Variants in EXD3 observed in about 807,000 individuals in gnomAD.
EXD3 encodes exonuclease mut-7 homolog.
EXD3 carries 92 observed loss-of-function variants against 98.0 expected under a neutral mutation model. That is an observed-to-expected ratio of 0.94 (90% CI 0.79 to 1.12). EXD3 has a LOEUF of 1.12. EXD3 is among the 50% of genes most tolerant of loss of function. The pLI, the probability that EXD3 is intolerant of heterozygous loss-of-function variation, is 0.00. For synonymous variants in EXD3, 569 were observed against 526.0 expected (o/e 1.08, Z -1.12); for missense variants, 1,222 against 1,191.6 (o/e 1.03, Z -0.38).
chr9:137,396,722 T>C (rs1264421209), intron 1 of EXD3, among the ~76,000 whole-genome samples: 1 of 152,218 alleles, frequency 6.6e-6, no homozygotes, highest in Non-Finnish European at 1.5e-5. Flanking sequence ...CCCAGCCGCG[T>C]CACATGGAGG....
intron 2 of EXD3, among the ~76,000 whole-genome samples, chr9:137,394,146 TTTCCCTAACCCTGGCCTCCCAGCCTCTGC>T (rs1380682226): frequency 4.6e-5 from 5 of 108,906 alleles, no homozygotes; most frequent in East Asian, 2.7e-4. Context: ...CCAGCCTCCA[TTTCCCTAACCCTGGCCTCCCAGCCTCTGC>T]TTCCCTAACC....
At chr9:137,410,758 C>T (rs1837956804) in intron 1 of EXD3, among the ~76,000 whole-genome samples, 1 of 152,172 alleles carries the variant, frequency 6.6e-6, no homozygotes, top group African/African-American at 2.4e-5. Flanking sequence ...GGGGGACGTG[C>T]CTGACTCACT....
intron 17 of EXD3, among the ~76,000 whole-genome samples, chr9:137,340,179 TA>T (rs1331361610): frequency 2.0e-5 from 3 of 152,178 alleles, no homozygotes; most frequent in Non-Finnish European, 4.4e-5. Context: ...TGGAAGTTAT[TA>T]AATGTGTTTG....
At chr9:137,333,705 C>T (rs573713588) in intron 17 of EXD3, among the ~76,000 whole-genome samples, 37 of 152,310 alleles carry the variant, frequency 2.4e-4, no homozygotes, top group Middle Eastern at 6.8e-3. Context: ...TTGCCTTCTG[C>T]CAGGACTAGA....
At chr9:137,314,681 C>A (rs1018820552) in intron 19 of EXD3, among the ~76,000 whole-genome samples, 2 of 152,124 alleles carry the variant, frequency 1.3e-5, no homozygotes, top group Non-Finnish European at 2.9e-5. Context: ...GCCGCTGCCC[C>A]GTCCCCTTTG....
At chr9:137,355,541 AG>A (rs1476194175) in intron 8 of EXD3, among the ~76,000 whole-genome samples, 21 of 52,586 alleles carry the variant, frequency 4.0e-4, no homozygotes, top group African/African-American at 1.3e-3. Flanking sequence ...GGAAGGAGGA[AG>A]GAGGAAGGAG....
At chr9:137,411,546 C>T (rs574136143) in intron 1 of EXD3, among the ~76,000 whole-genome samples, 52 of 151,946 alleles carry the variant, frequency 3.4e-4, no homozygotes, top group Non-Finnish European at 6.8e-4. Context: ...CTGAACAGGC[C>T]GACCTTGAAG....
rs930281273 is a variant in EXD3 at position 137,395,514 on chromosome 9, G to C, written c.-47-110C>G. 2.0e-6 allele frequency: 2 copies of C among 997,506 alleles called. No individual in the cohort carries two copies. Among genetic ancestry groups the C allele is most frequent in the African/African-American group, 3.2e-5 (2 of 61,770 alleles). The allele number at this position is 997,506 out of a possible 1,614,324, so 61.8% of individuals were successfully genotyped here. A position where few individuals can be genotyped will look rare whatever the true frequency, so the allele number is the denominator to read the frequency against. On this transcript the variant is annotated intron_variant, in intron 1 of 21. Transcript: ENST00000340951. The surrounding 1 kb of genome is among the most constrained non-coding windows in gnomAD (Gnocchi z 6.5). ...GTGGAGGGAGCTGGTGCCTGGGGGG[G>C]CCCAAGTGGGACCCCCAGTCGCTGA...
At chr9:137,316,581 C>G (rs1013029417) in intron 19 of EXD3, among the ~76,000 whole-genome samples, 1 of 152,248 alleles carries the variant, frequency 6.6e-6, no homozygotes, top group African/African-American at 2.4e-5. Context: ...GGCCCCAGTA[C>G]TCCCTCCAGG....
In EXD3 at chr9:137,385,808, A is replaced by G. The variant is rs1836564278; in HGVS notation, c.56-2431T>C. Among the ~76,000 whole-genome samples the G allele has an allele frequency of 6.6e-6, 1 of 151,816 alleles. No homozygotes were observed. The highest frequency in any genetic ancestry group is 2.4e-5 in the African/African-American group (1 of 41,362). On this transcript the variant is annotated intron_variant, in intron 2 of 21. Coordinates refer to ENST00000340951, the MANE Select transcript of EXD3 (RefSeq NM_017820.5). This position sits in a 1 kb window ranked among gnomAD's most constrained non-coding sequence, Gnocchi z 4.4. ...CTCGGCCTCCCAAAGTGCTGGGATG[A>G]CAGGCGTGAGCCACCGCGCCCAGCC...
intron 19 of EXD3, among the ~76,000 whole-genome samples, chr9:137,319,486 A>G (rs1344036053): frequency 6.6e-6 from 1 of 152,204 alleles, no homozygotes; most frequent in Non-Finnish European, 1.5e-5. Context: ...CCCAGGGTTC[A>G]GCTGGGAGCA....
intron 19 of EXD3, among the ~76,000 whole-genome samples, chr9:137,312,136 G>A (rs552387280): frequency 1.1e-4 from 16 of 152,296 alleles, no homozygotes; most frequent in Non-Finnish European, 2.2e-4. Context: ...GTCGGGTCTG[G>A]GCAGAGACAA....
intron 1 of EXD3, among the ~76,000 whole-genome samples, chr9:137,396,214 C>T (rs916703815): frequency 2.6e-5 from 4 of 152,068 alleles, no homozygotes; most frequent in Non-Finnish European, 5.9e-5. Flanking sequence ...GTGATCCACC[C>T]GCCTCAGCCT....
intron 17 of EXD3, among the ~76,000 whole-genome samples, chr9:137,327,411 G>A (rs903367660): frequency 6.6e-6 from 1 of 152,176 alleles, no homozygotes; most frequent in African/African-American, 2.4e-5. Context: ...GGGATTACAG[G>A]TGTGAGCCAC....
At chr9:137,330,351 A>ACTACACAGGAG (rs1207767930) in intron 17 of EXD3, among the ~76,000 whole-genome samples, 6 of 135,666 alleles carry the variant, frequency 4.4e-5, no homozygotes, top group Non-Finnish European at 7.8e-5. Flanking sequence ...ACTACACAGG[A>ACTACACAGGAG]CTACACAGGA....
At chr9:137,372,173 G>A (rs1001985843) in intron 5 of EXD3, among the ~76,000 whole-genome samples, 3 of 152,180 alleles carry the variant, frequency 2.0e-5, no homozygotes, top group African/African-American at 4.8e-5. Context: ...GACCTGGCCC[G>A]GGACCGAAAG....
At chr9:137,317,026 C>T (rs1040007337) in intron 19 of EXD3, among the ~76,000 whole-genome samples, 1 of 152,140 alleles carries the variant, frequency 6.6e-6, no homozygotes, top group Admixed American at 6.5e-5. Context: ...GTGCAGGGGG[C>T]AGCTCTCCTG....
chr9:137,382,689 TGGATGTGGCACTCAGA>T (rs1447676308), intron 3 of EXD3, among the ~76,000 whole-genome samples: 1 of 151,538 alleles, frequency 6.6e-6, no homozygotes, highest in Non-Finnish European at 1.5e-5. Context: ...CTCAGGCCAG[TGGATGTGGCACTCAGA>T]GGAGCTGGGC....
At chr9:137,406,858 C>A (rs1219557359) in intron 1 of EXD3, among the ~76,000 whole-genome samples, 1 of 152,022 alleles carries the variant, frequency 6.6e-6, no homozygotes, top group Admixed American at 6.5e-5. Flanking sequence ...TCCAGGAGTG[C>A]AGCCCGTCCC....
Sources: allele counts gnomAD v4.1 joint callset (sites outside exome capture counted in the v4.1 genomes callset), GRCh38; gene constraint gnomAD v4.1.1; non-coding constraint Gnocchi (gnomAD v3.1); transcripts MANE v1.5; gene names NCBI Gene and HGNC (gene_info 2026-07-23, HGNC 2026-07-21).